ZNF469: variants seen among roughly 807,000 people sequenced by gnomAD.
ZNF469 encodes the protein zinc finger protein 469.
A neutral mutation model predicts 1.0 loss-of-function variants in ZNF469; 1 was observed. The observed-to-expected ratio is 1.00, with a 90% confidence interval of 0.35 to 4.73. The LOEUF (loss-of-function observed/expected upper bound fraction) is 4.73. Among genes scored for constraint, ZNF469 ranks in the 30% most tolerant of loss-of-function variants. ZNF469 has a pLI of 0.16. For synonymous variants in ZNF469, 2,703 were observed against 2,363.4 expected, an observed-to-expected ratio of 1.14 and a Z score of -4.17; for missense variants, 6,100 against 5,356.3, an observed-to-expected ratio of 1.14 and a Z score of -4.33.
intron 1 of ZNF469, among the ~76,000 whole-genome samples, chr16:88,422,872 GT>G: frequency 8.4e-6 from 1 of 119,058 alleles, no homozygotes; most frequent in African/African-American, 3.0e-5. Context: ...TGATGGATGA[GT>G]GAATGGATGG....
chr16:88,420,569 A>C (rs1905427068), intron 1 of ZNF469, among the ~76,000 whole-genome samples: 1 of 152,186 alleles, frequency 6.6e-6, no homozygotes, highest in South Asian at 2.1e-4. Context: ...GGCCACCAGG[A>C]TGTGGAACGA....
At position 88,438,409 on chromosome 16, in the gene ZNF469, G is replaced by C. The variant is rs1210608746; in HGVS notation, c.10939G>C (p.Glu3647Gln). The change falls in exon 3 of 3, where the codon GAG becomes CAG. Residue 3647 changes from glutamate (E) to glutamine (Q), a missense_variant. Physicochemically the swap from Glu to Gln is conservative, Grantham distance 29. Coordinates refer to ENST00000565624, the MANE Select transcript of ZNF469 (RefSeq NM_001367624.2). ...CCAGGAAGACCACCTACTTCAGAAAGAGAAGGAGGTGTCCTCAAGCCACAT... is the reference window on the plus strand; with the variant it reads ...CCAGGAAGACCACCTACTTCAGAAACAGAAGGAGGTGTCCTCAAGCCACAT... The part of the protein sequence containing the change: ...HFQEDHLLQK[E>Q]KEVSSSHMVS... The C allele has an allele frequency of 2.7e-5, 42 of 1,550,020 alleles. No homozygotes were observed. Among genetic ancestry groups the C allele is most frequent in the Non-Finnish European group, 3.4e-5 (39 of 1,146,960 alleles).
At chr16:88,292,792 T>G in the ZNF469 span, among the ~76,000 whole-genome samples, 1 of 103,240 alleles carries the variant, frequency 9.7e-6, no homozygotes, top group African/African-American at 3.9e-5. Context: ...CTCCACCCTG[T>G]GTTATCAAAA....
chr16:88,122,675 G>T, the ZNF469 span, among the ~76,000 whole-genome samples: 2 of 152,170 alleles, frequency 1.3e-5, no homozygotes, highest in Non-Finnish European at 2.9e-5. Context: ...CAGTCAGTTT[G>T]GTCAGGAGCT....
At chr16:88,228,950 G>A in the ZNF469 span, among the ~76,000 whole-genome samples, 3 of 152,202 alleles carry the variant, frequency 2.0e-5, no homozygotes, top group Admixed American at 1.3e-4. Context: ...GGCGGGGAGG[G>A]AGGCACAGCA....
At chr16:88,425,607 A>T (rs1443679703) in intron 2 of ZNF469, among the ~76,000 whole-genome samples, 1 of 152,198 alleles carries the variant, frequency 6.6e-6, no homozygotes, top group Non-Finnish European at 1.5e-5. Flanking sequence ...TCAGGGCGAC[A>T]ATCACAGATC....
the ZNF469 span, among the ~76,000 whole-genome samples, chr16:88,123,068 T>C: frequency 6.6e-6 from 1 of 152,294 alleles, no homozygotes; most frequent in East Asian, 1.9e-4. Context: ...TTTTGCTAAA[T>C]GATTTTAGTG....
the ZNF469 span, among the ~76,000 whole-genome samples, chr16:88,174,411 A>T: frequency 1.9e-4 from 29 of 152,066 alleles, no homozygotes; most frequent in African/African-American, 7.0e-4. Flanking sequence ...AGGCTTCAGT[A>T]CCCCTGTATC....
chr16:88,360,193 T>C, the ZNF469 span, among the ~76,000 whole-genome samples: 1 of 151,952 alleles, frequency 6.6e-6, no homozygotes, highest in Non-Finnish European at 1.5e-5. Context: ...ACTAATTTTG[T>C]ATTTTTAGTA....
chr16:88,134,917 A>G, the ZNF469 span, among the ~76,000 whole-genome samples: 1,737 of 152,282 alleles, frequency 0.011, 16 homozygotes, highest in Middle Eastern at 0.041. Context: ...CCATATACCC[A>G]TTGCCATTTT....
At chr16:88,112,751 GCT>G in the ZNF469 span, among the ~76,000 whole-genome samples, 5 of 141,066 alleles carry the variant, frequency 3.5e-5, no homozygotes, top group East Asian at 6.5e-4. Context: ...ACTCTGGATT[GCT>G]CTCTCTGCTG....
At chr16:88,146,517 G>A in the ZNF469 span, among the ~76,000 whole-genome samples, 1 of 152,092 alleles carries the variant, frequency 6.6e-6, no homozygotes, top group Non-Finnish European at 1.5e-5. Context: ...CCTCCCCCCA[G>A]TCTCAGCCCC....
chr16:88,194,844 G>A, the ZNF469 span: 3 of 152,276 alleles, frequency 2.0e-5, no homozygotes, highest in African/African-American at 7.2e-5. Flanking sequence ...AACGTCAGAG[G>A]AGGCCAAGGA....
At chr16:88,101,036 A>T in the ZNF469 span, 1 of 225,820 alleles carries the variant, frequency 4.4e-6, no homozygotes, top group South Asian at 5.3e-5. Flanking sequence ...ACCACAGGGG[A>T]TGGGCGCCGG....
chr16:88,140,624 A>G, the ZNF469 span, among the ~76,000 whole-genome samples: 2 of 152,218 alleles, frequency 1.3e-5, no homozygotes, highest in African/African-American at 4.8e-5. Flanking sequence ...TTCAGTATAG[A>G]AACAGGTAAG....
At chr16:88,343,159 T>A in the ZNF469 span, among the ~76,000 whole-genome samples, 2 of 149,164 alleles carry the variant, frequency 1.3e-5, no homozygotes, top group African/African-American at 5.1e-5. Flanking sequence ...ACACCTCTCA[T>A]GCTCCTGGGT....
intron 1 of ZNF469, among the ~76,000 whole-genome samples, chr16:88,415,833 G>A (rs945703403): frequency 1.2e-4 from 19 of 152,298 alleles, no homozygotes; most frequent in African/African-American, 4.1e-4. Context: ...TCATTGGACC[G>A]ATTGCCTGGA....
the ZNF469 span, among the ~76,000 whole-genome samples, chr16:88,124,678 G>A: frequency 6.6e-6 from 1 of 152,148 alleles, no homozygotes; most frequent in Non-Finnish European, 1.5e-5. Context: ...TCTGCCTCCC[G>A]GGTTCAAGCG....
chr16:88,219,299 C>A, the ZNF469 span, among the ~76,000 whole-genome samples: 17 of 148,640 alleles, frequency 1.1e-4, 1 homozygote, highest in Middle Eastern at 3.4e-3. Flanking sequence ...AAAAAAGAGC[C>A]CGCATTGCCA....
Sources: allele counts gnomAD v4.1 joint callset (sites outside exome capture counted in the v4.1 genomes callset), GRCh38; gene constraint gnomAD v4.1.1; transcripts MANE v1.5; gene names NCBI Gene and HGNC (gene_info 2026-07-23, HGNC 2026-07-21).